The following RAD51D variants were observed in gnomAD, a reference collection of about 807,000 sequenced individuals.
RAD51D encodes RAD51 paralog D.
A neutral mutation model predicts 44.1 loss-of-function variants in RAD51D; 38 were observed. The observed-to-expected ratio is 0.86, with a 90% CI of 0.67 to 1.13. The LOEUF (loss-of-function observed/expected upper bound fraction) is 1.13, where lower values mean the gene tolerates loss of function less well. Ranked by LOEUF, RAD51D falls within the 50% of genes most tolerant of loss-of-function variation. RAD51D has a pLI of 0.00. For synonymous variants in RAD51D, 141 were observed against 166.6 expected, an observed-to-expected ratio of 0.85 and a Z score of 1.18; for missense variants, 390 against 414.0, an observed-to-expected ratio of 0.94 and a Z score of 0.50.
chr17:35,101,402 G>A (rs2142412898), intron 8 of RAD51D, 37 bp from the exon 9 acceptor site: 5 of 1,601,766 alleles, frequency 3.1e-6, no homozygotes, highest in Non-Finnish European at 4.3e-6. Context: ...CATAATGCTA[G>A]TATAGAGGAC....
chr17:35,111,906 A>G (rs2091682177), intron 3 of RAD51D, among the ~76,000 whole-genome samples: 1 of 152,222 alleles, frequency 6.6e-6, no homozygotes. Context: ...CAGTCTCCCA[A>G]TCCATGAACA....
rs758460543 is a variant in RAD51D at position 35,116,935 on chromosome 17, C to T, written c.263+1566G>A. 3.1e-6 allele frequency: 5 copies of T among 1,612,854 alleles called. No individual in the cohort carries two copies. In the East Asian group the frequency reaches 8.9e-5, roughly 29 times the overall value. On this transcript the variant is annotated intron_variant, in intron 3 of 9. Transcript: ENST00000345365. ...CCATCTGTTCCTCCATGCCCAAGTC[C>T]TGCCTTCTTCAGAGCATTCCTGACC...
intron 8 of RAD51D, among the ~76,000 whole-genome samples, chr17:35,102,498 C>T (rs1232160693): frequency 1.3e-5 from 2 of 151,732 alleles, no homozygotes; most frequent in Non-Finnish European, 1.5e-5. Flanking sequence ...TAAGTGTGGG[C>T]TCACACCTGT....
rs1480260195 is a variant in RAD51D, at chr17:35,094,480, C to G, written c.*6473G>C. On this transcript the variant is annotated 3_prime_UTR_variant, in exon 10 of 10. Transcript: ENST00000345365. ...TAATACTAATGATATCTGCCTTCTC[C>G]AAGTTTTTGTCATTCTTTTGTAACT... 1 of 152,178 alleles carries G rather than the reference C, an allele frequency of 6.6e-6. No individual in the cohort carries two copies. The highest frequency in any genetic ancestry group is 2.4e-5 in the African/African-American group (1 of 41,446). 9.4% of individuals were successfully genotyped at this position (152,178 alleles called of 1,614,324 possible).
rs876660054 is a variant in RAD51D, at chr17:35,107,019, A to T, written c.449T>A (p.Leu150His). The change falls in exon 5 of 10, where the codon CTT becomes CAT. Residue 150 changes from leucine (L) to histidine (H), a missense_variant. Leu to His is a moderately conservative substitution (Grantham distance 99). Transcript: ENST00000345365. ...GLTASRLLQL[L>H]QAKTQDEEEQ... Reference sequence around the variant, plus strand: ...CTCCTCATCCTGGGTTTTAGCCTGAAGCAGCTGGAGGAGGCGGGAAGCTGT... The same window carrying T: ...CTCCTCATCCTGGGTTTTAGCCTGATGCAGCTGGAGGAGGCGGGAAGCTGT... 2 of 1,614,154 alleles carry T rather than the reference A, an allele frequency of 1.2e-6. No individual in the cohort carries two copies. Among genetic ancestry groups the T allele is most frequent in the Non-Finnish European group, 1.7e-6 (2 of 1,180,022 alleles).
chr17:35,118,365 C>T lies in RAD51D; in HGVS notation c.263+136G>A. 1.3e-5 allele frequency: 10 copies of T among 745,530 alleles called. No individual in the cohort carries two copies. The South Asian group carries it at 1.5e-4, about 11-fold the overall frequency. 46.2% of individuals were successfully genotyped at this position (745,530 alleles called of 1,614,324 possible). ...TGTTATAGGATAAGAATTCAGATGT[C>T]CTGACCCCTTTCCTTCCCATCCATT... On this transcript the variant is annotated intron_variant, in intron 3 of 9. Coordinates refer to ENST00000345365, the MANE Select transcript of RAD51D (RefSeq NM_002878.4).
chr17:35,102,227 G>A (rs892727939), intron 8 of RAD51D, among the ~76,000 whole-genome samples: 6 of 151,902 alleles, frequency 3.9e-5, no homozygotes, highest in Non-Finnish European at 8.8e-5. Context: ...GCCCAGGCTG[G>A]AGTGCAGTGG....
intron 5 of RAD51D, 150 bp downstream of exon 5, chr17:35,106,838 C>T: frequency 2.5e-6 from 3 of 1,183,500 alleles, no homozygotes; most frequent in Non-Finnish European, 3.7e-6. Flanking sequence ...ATGGCATCAA[C>T]AGGGGTGGCT....
intron 3 of RAD51D, chr17:35,115,140 G>T (rs891753980): frequency 2.4e-6 from 1 of 411,208 alleles, no homozygotes; most frequent in Non-Finnish European, 4.9e-6. Context: ...CCCCTGTCTT[G>T]CCCCATGAAG....
Position 35,101,314 on chromosome 17 carries a change from G to A in RAD51D, c.790C>T (p.Leu264Phe), listed in dbSNP as rs2091534659. 6.2e-7 allele frequency: 1 copy of A among 1,614,148 alleles called. No homozygotes were observed. The highest frequency in any genetic ancestry group is 8.5e-7 in the Non-Finnish European group (1 of 1,180,034). The change falls in exon 9 of 10, where the codon CTC (leucine) becomes TTC (phenylalanine). Residue 264 changes from leucine to phenylalanine, a missense_variant. Coordinates refer to ENST00000345365, the MANE Select transcript of RAD51D (RefSeq NM_002878.4). ...GGCACAAAGCTCCAGGAGCGTCCGA[G>A]GGCAGGTTTGAGCCTCCCGCTGTCC... ...DRDSGRLKPA[L>F]GRSWSFVPST...
At chr17:35,118,380 TC>T in intron 3 of RAD51D, 120 bp downstream of exon 3, 1 of 814,612 alleles carries the variant, frequency 1.2e-6, no homozygotes, top group South Asian at 1.4e-5. Flanking sequence ...CCCCTTTCCT[TC>T]CCATCCATTA....
intron 3 of RAD51D, among the ~76,000 whole-genome samples, chr17:35,109,778 C>T (rs1223417687): frequency 1.3e-5 from 2 of 151,998 alleles, no homozygotes; most frequent in African/African-American, 4.8e-5. Context: ...AGCAATTCTC[C>T]TGCCTCAGCC....
At position 35,095,374 on chromosome 17, in the gene RAD51D, C is replaced by G. The variant is rs373843199; in HGVS notation, c.*5579G>C. 6.6e-6 allele frequency: 1 copy of G among 152,066 alleles called. No individual in the cohort carries two copies. The highest frequency in any genetic ancestry group is 1.5e-5 in the Non-Finnish European group (1 of 68,096). The allele number at this position is 152,066 out of a possible 1,614,324, so 9.4% of individuals were successfully genotyped here. A position where few individuals can be genotyped will look rare whatever the true frequency, so the allele number is the denominator to read the frequency against. ...GCGCATGCTTGTAATCCCAGCTACT[C>G]GGGAGGCTGCGGCAGAATTGCTTGA... On this transcript the variant is annotated 3_prime_UTR_variant, in exon 10 of 10. Transcript: ENST00000345365.
At position 35,094,869 on chromosome 17, in the gene RAD51D, T is replaced by G. The variant is rs1324196590; in HGVS notation, c.*6084A>C. ...GGGCCTAAGGATACATAATAGAGCCTTGATTAACTCGTCTTTGGTACTACC... is the reference window on the plus strand; with the variant it reads ...GGGCCTAAGGATACATAATAGAGCCGTGATTAACTCGTCTTTGGTACTACC... On this transcript the variant is annotated 3_prime_UTR_variant, in exon 10 of 10. Transcript: ENST00000345365. The G allele has an allele frequency of 2.0e-5, 3 of 150,924 alleles. No individual in the cohort carries two copies. 9.3% of individuals were successfully genotyped at this position (150,924 alleles called of 1,614,324 possible).
Sources: gnomAD v4.1 joint callset for allele counts (sites outside exome capture counted in the v4.1 genomes callset) on GRCh38, gnomAD v4.1.1 for gene constraint, MANE v1.5 for transcripts, NCBI Gene and HGNC (gene_info 2026-07-23, HGNC 2026-07-21) for gene names.